The following TAB2 variants were observed in gnomAD, a reference collection of about 807,000 sequenced individuals.
The protein encoded by TAB2 is TGF-beta activated kinase 1 (MAP3K7) binding protein 2.
Under a neutral mutation model 65.0 loss-of-function variants are expected in TAB2, and 3 were observed. The observed-to-expected ratio is 0.05, with a 90% CI of 0.02 to 0.12. The LOEUF (loss-of-function observed/expected upper bound fraction) is 0.12, where lower values mean the gene tolerates loss of function less well. Ranked by LOEUF, TAB2 falls within the 10% of genes least tolerant of loss-of-function variation. The probability of loss-of-function intolerance (pLI) is 1.00; values close to 1 mark genes in which losing one functional copy is unlikely to be tolerated. For synonymous variants in TAB2, 298 were observed against 285.1 expected (o/e 1.05, Z -0.46); for missense variants, 623 against 840.3 (o/e 0.74, Z 3.20).
intron 1 of TAB2, among the ~76,000 whole-genome samples, chr6:149,328,587 C>T (rs1779687246): frequency 1.3e-5 from 2 of 152,146 alleles, no homozygotes; most frequent in Admixed American, 6.5e-5. Flanking sequence ...CCACCGCACC[C>T]GGCCTCTACA....
At chr6:149,225,446 G>C (rs1459226341) in intron 1 of TAB2, among the ~76,000 whole-genome samples, 2 of 152,182 alleles carry the variant, frequency 1.3e-5, no homozygotes, top group Non-Finnish European at 2.9e-5. Flanking sequence ...TTTAGAGTTT[G>C]TCAGATTCCA....
At chr6:149,400,520 A>G in intron 6 of TAB2, 1 of 1,614,260 alleles carries the variant, frequency 6.2e-7, no homozygotes, top group Non-Finnish European at 8.5e-7. Flanking sequence ...TTAGTAAACT[A>G]ATGAAAGCCT....
At chr6:149,348,407 A>G (rs1011636197) in intron 1 of TAB2, among the ~76,000 whole-genome samples, 23 of 152,124 alleles carry the variant, frequency 1.5e-4, no homozygotes, top group Admixed American at 8.5e-4. Context: ...AGAGAAGGAA[A>G]GAGTAGGAGA....
intron 1 of TAB2, among the ~76,000 whole-genome samples, chr6:149,351,979 C>A (rs538435856): frequency 6.6e-6 from 1 of 152,226 alleles, no homozygotes; most frequent in Admixed American, 6.5e-5. Context: ...CTACTCTTTT[C>A]TTCTCTTCAG....
At chr6:149,256,120 T>A (rs1249127868) in intron 1 of TAB2, among the ~76,000 whole-genome samples, 1 of 152,032 alleles carries the variant, frequency 6.6e-6, no homozygotes, top group African/African-American at 2.4e-5. Context: ...TGGTTACTAT[T>A]AAAAAGAAGG....
intron 6 of TAB2, among the ~76,000 whole-genome samples, chr6:149,402,371 C>G (rs1004458079): frequency 1.3e-5 from 2 of 151,806 alleles, no homozygotes; most frequent in Non-Finnish European, 2.9e-5. Flanking sequence ...TTGATATCAC[C>G]TATTAAAGCT....
chr6:149,281,040 A>C (rs1778563261), intron 1 of TAB2, among the ~76,000 whole-genome samples: 1 of 152,174 alleles, frequency 6.6e-6, no homozygotes, highest in Non-Finnish European at 1.5e-5. Flanking sequence ...ACCAAATGGA[A>C]ATACAGAACT....
intron 1 of TAB2, among the ~76,000 whole-genome samples, chr6:149,249,678 C>G (rs1169269232): frequency 6.6e-6 from 1 of 152,058 alleles, no homozygotes; most frequent in Non-Finnish European, 1.5e-5. Flanking sequence ...CTCTTTCTCT[C>G]CCTGTCTCTA....
intron 1 of TAB2, among the ~76,000 whole-genome samples, chr6:149,252,331 G>T (rs971569165): frequency 6.6e-6 from 1 of 151,734 alleles, no homozygotes; most frequent in African/African-American, 2.4e-5. Context: ...TCTTGAACCC[G>T]GGAGGCTGCC....
At chr6:149,289,166 T>G (rs917407598) in intron 1 of TAB2, among the ~76,000 whole-genome samples, 2 of 151,996 alleles carry the variant, frequency 1.3e-5, no homozygotes, top group Admixed American at 6.6e-5. Flanking sequence ...GTCAACGTGA[T>G]TCTTTTTAAA....
At chr6:149,375,659 G>A (rs1367081789) in intron 2 of TAB2, among the ~76,000 whole-genome samples, 1 of 152,140 alleles carries the variant, frequency 6.6e-6, no homozygotes, top group Non-Finnish European at 1.5e-5. Context: ...CTTTGGCTTA[G>A]AAGGAAGAAG....
At chr6:149,258,632 G>T (rs1328265361) in intron 1 of TAB2, among the ~76,000 whole-genome samples, 1 of 152,144 alleles carries the variant, frequency 6.6e-6, no homozygotes, top group Non-Finnish European at 1.5e-5. Context: ...AAAAAGTTTT[G>T]CATTGAGAAA....
At chr6:149,258,416 TACACACACACACACAC>T (rs56710457) in intron 1 of TAB2, among the ~76,000 whole-genome samples, 7,980 of 146,304 alleles carry the variant, frequency 0.055, 249 homozygotes, top group Middle Eastern at 0.12. Flanking sequence ...CATGACTGCC[TACACACACACACACAC>T]ACACACACAC....
chr6:149,269,569 A>T (rs1165996926), intron 1 of TAB2, among the ~76,000 whole-genome samples: 1 of 152,134 alleles, frequency 6.6e-6, no homozygotes, highest in East Asian at 1.9e-4. Context: ...ACCCTAAAAA[A>T]TTCCTTTTCA....
intron 1 of TAB2, among the ~76,000 whole-genome samples, chr6:149,328,235 T>C (rs1254498977): frequency 3.3e-5 from 5 of 152,230 alleles, no homozygotes; most frequent in Admixed American, 3.3e-4. Flanking sequence ...TTGTGCAGAA[T>C]AGCTGGCTAA....
intron 6 of TAB2, among the ~76,000 whole-genome samples, chr6:149,404,920 A>G (rs1782612570): frequency 6.6e-6 from 1 of 152,196 alleles, no homozygotes; most frequent in African/African-American, 2.4e-5. Context: ...AAGTGGGATT[A>G]CATTAAACTA....
intron 3 of TAB2, among the ~76,000 whole-genome samples, chr6:149,395,335 A>ACC (rs1782129058): frequency 6.6e-6 from 1 of 152,194 alleles, no homozygotes; most frequent in African/African-American, 2.4e-5. Context: ...GATTTCTAGT[A>ACC]TATTTGGAAT....
intron 1 of TAB2, among the ~76,000 whole-genome samples, chr6:149,275,507 A>T (rs1216191088): frequency 6.6e-6 from 1 of 152,218 alleles, no homozygotes; most frequent in Non-Finnish European, 1.5e-5. Flanking sequence ...AGAAGAGACA[A>T]ATTTATCATG....
intron 1 of TAB2, among the ~76,000 whole-genome samples, chr6:149,331,242 A>G (rs1779773730): frequency 6.6e-6 from 1 of 151,952 alleles, no homozygotes; most frequent in Admixed American, 6.6e-5. Flanking sequence ...TTTTGTCAGC[A>G]TTTTTTAGTT....
Sources: gnomAD v4.1 joint callset for allele counts (sites outside exome capture counted in the v4.1 genomes callset) on GRCh38, gnomAD v4.1.1 for gene constraint, MANE v1.5 for transcripts, NCBI Gene and HGNC (gene_info 2026-07-23, HGNC 2026-07-21) for gene names.